The following NLGN4Y variants were observed in gnomAD, a reference collection of about 807,000 sequenced individuals.
NLGN4Y encodes the protein neuroligin 4 Y-linked, also known as neuroligin-4, Y-linked.
A neutral mutation model predicts 8.4 loss-of-function variants in NLGN4Y; 4 were observed. The observed-to-expected ratio is 0.48, with a 90% CI of 0.23 to 1.09. NLGN4Y has a LOEUF of 1.09. Among genes scored for constraint, NLGN4Y ranks in the 50% least tolerant of loss-of-function variants. The pLI, the probability that NLGN4Y is intolerant of heterozygous loss-of-function variation, is 0.19. For missense variants in NLGN4Y, 90 were observed against 192.3 expected, an observed-to-expected ratio of 0.47 and a Z score of 3.15; for synonymous variants, 35 against 75.6, an observed-to-expected ratio of 0.46 and a Z score of 2.78.
At chrY:14,547,086 C>T (rs2080175828) in intron 1 of NLGN4Y, among the ~76,000 whole-genome samples, 1 of 33,997 alleles carries the variant, frequency 2.9e-5, no homozygotes, top group African/African-American at 1.1e-4. Context: ...TTATCTCATA[C>T]ATTTCTGTTC....
intron 4 of NLGN4Y, chrY:14,801,407 T>G: frequency 6.5e-5 from 2 of 30,809 alleles, no homozygotes; most frequent in Admixed American, 3.1e-4. Context: ...CCTGTTTTTT[T>G]TTTGTTTGTT....
At chrY:14,650,445 G>A in intron 2 of NLGN4Y, among the ~76,000 whole-genome samples, 1 of 33,682 alleles carries the variant, frequency 3.0e-5, no homozygotes, top group Non-Finnish European at 7.4e-5. Context: ...AAATTCCATC[G>A]ACATATTTTT....
intron 4 of NLGN4Y, among the ~76,000 whole-genome samples, chrY:14,745,383 ACTTTTTGGCCAGT>A (rs2081020921): frequency 9.0e-5 from 3 of 33,455 alleles, no homozygotes; most frequent in Admixed American, 8.2e-4. Flanking sequence ...AATAGATCAG[ACTTTTTGGCCAGT>A]CCCTTGGGGG....
chrY:14,756,866 CATATATATATATATATATATAT>C (rs145217639), intron 4 of NLGN4Y, among the ~76,000 whole-genome samples: 5 of 2,179 alleles, frequency 2.3e-3, no homozygotes, highest in East Asian at 7.7e-3. Flanking sequence ...ATATTTTATA[CATATATATATATATATATATAT>C]ATATATATAT....
intron 1 of NLGN4Y, among the ~76,000 whole-genome samples, chrY:14,596,693 G>T (rs926449282): frequency 3.0e-5 from 1 of 33,461 alleles, no homozygotes; most frequent in Non-Finnish European, 7.4e-5. Context: ...CAGAAAGCCT[G>T]ACACCCGCGT....
intron 1 of NLGN4Y, among the ~76,000 whole-genome samples, chrY:14,582,249 G>A (rs1049117885): frequency 3.0e-5 from 1 of 33,443 alleles, no homozygotes; most frequent in Non-Finnish European, 7.4e-5. Flanking sequence ...TGGCTCTTCC[G>A]ATTTTCCTTT....
intron 2 of NLGN4Y, among the ~76,000 whole-genome samples, chrY:14,674,216 CAAAATAAAAT>C (rs2080738913): frequency 4.6e-5 from 1 of 21,653 alleles, no homozygotes; most frequent in Admixed American, 4.6e-4. Flanking sequence ...TTTAAAGCCA[CAAAATAAAAT>C]AAAATAAAAT....
intron 1 of NLGN4Y, among the ~76,000 whole-genome samples, chrY:14,547,520 G>T (rs773465749): frequency 3.0e-5 from 1 of 33,807 alleles, no homozygotes; most frequent in Admixed American, 2.7e-4. Context: ...GAGCTGCATA[G>T]AATTTTGTCA....
intron 2 of NLGN4Y, among the ~76,000 whole-genome samples, chrY:14,668,154 T>A (rs2150526671): frequency 3.0e-5 from 1 of 33,197 alleles, no homozygotes; most frequent in East Asian, 8.1e-4. Context: ...ATTTGAGAGA[T>A]ATTTCAGAAG....
chrY:14,569,785 G>T (rs1023901456), intron 1 of NLGN4Y, among the ~76,000 whole-genome samples: 15 of 32,548 alleles, frequency 4.6e-4, no homozygotes, highest in East Asian at 2.4e-3. Context: ...CTTTTGTTGG[G>T]TTTTTTTTGT....
At chrY:14,803,622 C>A (rs2043046096) in intron 4 of NLGN4Y, among the ~76,000 whole-genome samples, 3 of 32,443 alleles carry the variant, frequency 9.2e-5, no homozygotes, top group Non-Finnish European at 1.5e-4. Flanking sequence ...AAAGAATGAG[C>A]TTTAGTAACC....
At chrY:14,723,697 T>C (rs2080946153) in intron 4 of NLGN4Y, among the ~76,000 whole-genome samples, 2 of 34,051 alleles carry the variant, frequency 5.9e-5, no homozygotes, top group African/African-American at 1.1e-4. Flanking sequence ...AGCTTTCTAG[T>C]CTGATTGTGT....
At chrY:14,570,287 C>T (rs112517719) in intron 1 of NLGN4Y, among the ~76,000 whole-genome samples, 1 of 33,684 alleles carries the variant, frequency 3.0e-5, no homozygotes, top group South Asian at 6.6e-4. Context: ...GATAGAGAAG[C>T]GGTCTGGTTT....
intron 2 of NLGN4Y, among the ~76,000 whole-genome samples, chrY:14,663,862 AT>A (rs2080684207): frequency 3.1e-5 from 1 of 32,644 alleles, no homozygotes; most frequent in South Asian, 6.9e-4. Flanking sequence ...TTTTTTCTTT[AT>A]TTTTTTCATA....
intron 2 of NLGN4Y, among the ~76,000 whole-genome samples, chrY:14,662,506 A>G (rs778813690): frequency 3.0e-5 from 1 of 33,157 alleles, no homozygotes; most frequent in South Asian, 6.8e-4. Flanking sequence ...CTGCAGATTC[A>G]GTGTCTGGTG....
chrY:14,567,255 G>A (rs2080255365), intron 1 of NLGN4Y, among the ~76,000 whole-genome samples: 1 of 18,416 alleles, frequency 5.4e-5, no homozygotes, highest in Non-Finnish European at 1.2e-4. Flanking sequence ...GGGAGATGGA[G>A]TTTTGCTCTT....
chrY:14,834,258 C>G (rs2043189819), intron 6 of NLGN4Y, among the ~76,000 whole-genome samples: 2 of 33,035 alleles, frequency 6.1e-5, no homozygotes, highest in Non-Finnish European at 1.5e-4. Context: ...TTCACATTGC[C>G]ATTTATGGTC....
intron 2 of NLGN4Y, among the ~76,000 whole-genome samples, chrY:14,696,698 G>A (rs906348002): frequency 1.8e-4 from 6 of 32,463 alleles, no homozygotes; most frequent in Non-Finnish European, 3.8e-4. Flanking sequence ...TTTGTTCTCC[G>A]TGGTTTCAGT....
chrY:14,583,901 A>T, intron 1 of NLGN4Y, among the ~76,000 whole-genome samples: 1 of 33,725 alleles, frequency 3.0e-5, no homozygotes, highest in Non-Finnish European at 7.3e-5. Context: ...CCACAAACTA[A>T]GCAAGTGGCA....
Sources: gnomAD v4.1 joint callset for allele counts (sites outside exome capture counted in the v4.1 genomes callset) on GRCh38, gnomAD v4.1.1 for gene constraint, MANE v1.5 for transcripts, NCBI Gene and HGNC (gene_info 2026-07-23, HGNC 2026-07-21) for gene names.